The following PRUNE2 variants were observed in gnomAD, a reference collection of about 807,000 sequenced individuals.
PRUNE2 encodes the protein protein prune homolog 2.
Under a neutral mutation model 252.0 loss-of-function variants are expected in PRUNE2, and 164 were observed. That is an observed-to-expected ratio of 0.65 (90% CI 0.57 to 0.74). PRUNE2 has a LOEUF of 0.74. PRUNE2 is among the 30% of genes least tolerant of loss of function. PRUNE2 has a pLI of 0.00. For missense variants in PRUNE2, 3,495 were observed against 3,711.0 expected (o/e 0.94, Z 1.51); for synonymous variants, 1,292 against 1,350.2 (o/e 0.96, Z 0.94).
intron 6 of PRUNE2, among the ~76,000 whole-genome samples, chr9:76,809,749 A>C (rs2057228883): frequency 6.6e-6 from 1 of 152,212 alleles, no homozygotes; most frequent in African/African-American, 2.4e-5. Context: ...CTATGAATGT[A>C]ACAAAATTGC....
At chr9:76,678,347 AT>A (rs2042981027) in intron 9 of PRUNE2, among the ~76,000 whole-genome samples, 1 of 52,074 alleles carries the variant, frequency 1.9e-5, no homozygotes, top group Admixed American at 2.4e-4. Context: ...GCGAGACTCC[AT>A]CAAAAAAAAA....
At chr9:76,877,506 A>G (rs1275536668) in intron 1 of PRUNE2, among the ~76,000 whole-genome samples, 1 of 152,062 alleles carries the variant, frequency 6.6e-6, no homozygotes. Flanking sequence ...TAAAACACAC[A>G]CACACACACA....
At position 76,710,495 on chromosome 9, in the gene PRUNE2, A is replaced by G; in HGVS notation, c.1779T>C (p.Asp593=). 1.2e-6 allele frequency: 2 copies of G among 1,614,008 alleles called. No individual in the cohort carries two copies. Among genetic ancestry groups the G allele is most frequent in the Non-Finnish European group, 1.7e-6 (2 of 1,179,902 alleles). The change falls in exon 8 of 19, where the codon GAT becomes GAC. Residue 593 remains aspartate (D), a synonymous_variant. Coordinates refer to ENST00000376718, the MANE Select transcript of PRUNE2 (RefSeq NM_015225.3). ...TTAGCCTTTCTGGGGAAGGGGATTC[A>G]TCTCCCACAAAATCTGTCAGGCTCA... The part of the protein sequence containing the change: ...RNLSLTDFVG[D]ESPSPERLKN...
At chr9:76,895,057 G>A (rs2062737129) in intron 1 of PRUNE2, among the ~76,000 whole-genome samples, 2 of 151,326 alleles carry the variant, frequency 1.3e-5, no homozygotes, top group South Asian at 4.2e-4. Context: ...TAATGAATGG[G>A]CTTCCTTAAG....
intron 6 of PRUNE2, among the ~76,000 whole-genome samples, chr9:76,723,402 C>T (rs144413558): frequency 2.0e-5 from 3 of 152,236 alleles, no homozygotes; most frequent in African/African-American, 4.8e-5. Flanking sequence ...TAAAGATGCT[C>T]CCAATATAAG....
intron 11 of PRUNE2, among the ~76,000 whole-genome samples, chr9:76,650,283 T>C (rs936651189): frequency 1.3e-5 from 2 of 150,066 alleles, no homozygotes; most frequent in Admixed American, 6.7e-5. Context: ...AGTACAAATA[T>C]ATAATATATA....
At position 76,713,716 on chromosome 9, in the gene PRUNE2, A is replaced by G. The variant is rs775851421; in HGVS notation, c.762T>C (p.Cys254=). The G allele has an allele frequency of 6.3e-7, 1 of 1,590,590 alleles. No individual in the cohort carries two copies. The highest frequency in any genetic ancestry group is 8.6e-7 in the Non-Finnish European group (1 of 1,167,920). ...ISTVSMNLEN[C]LFHSNITSDL... ...CACTGGTAATATTGCTGTGAAATAG[A>G]CAATTCTGAAACGACAACAGGAAAT... is the stretch of plus-strand genomic sequence containing the variant. Residue 254 remains cysteine, a synonymous_variant, in exon 7 of 19, where the codon TGT becomes TGC. Coordinates refer to ENST00000376718, the MANE Select transcript of PRUNE2 (RefSeq NM_015225.3).
At chr9:76,722,224 A>ATTT (rs57390775) in intron 6 of PRUNE2, among the ~76,000 whole-genome samples, 8 of 130,556 alleles carry the variant, frequency 6.1e-5, no homozygotes, top group African/African-American at 1.4e-4. Context: ...ACACCCTGCT[A>ATTT]TTTTTTTTTT....
At chr9:76,803,012 T>C (rs759281560) in intron 6 of PRUNE2, among the ~76,000 whole-genome samples, 2 of 152,070 alleles carry the variant, frequency 1.3e-5, no homozygotes, top group Non-Finnish European at 2.9e-5. Context: ...CTGTAGGTGA[T>C]AGGAACATAA....
chr9:76,710,409 G>A lies in PRUNE2; in HGVS notation c.1865C>T (p.Ser622Phe). 6.2e-7 allele frequency: 1 copy of A among 1,613,982 alleles called. No homozygotes were observed. The highest frequency in any genetic ancestry group is 8.5e-7 in the Non-Finnish European group (1 of 1,179,884). ...PMNSLVESSP[S>F]TEEPASLYTE... ...ATAGAGTGAGGCTGGTTCTTCAGTGGATGGCGAGCTTTCTACTAAACTATT... is the reference window on the plus strand; with the variant it reads ...ATAGAGTGAGGCTGGTTCTTCAGTGAATGGCGAGCTTTCTACTAAACTATT... Residue 622 changes from serine to phenylalanine, a missense_variant, in exon 8 of 19, where the codon TCC becomes TTC. Coordinates refer to ENST00000376718, the MANE Select transcript of PRUNE2 (RefSeq NM_015225.3).
Position 76,724,274 on chromosome 9 carries a change from C to G in PRUNE2, c.757-10553G>C, listed in dbSNP as rs555871500. Among the ~76,000 whole-genome samples the G allele has an allele frequency of 1.8e-4, 22 of 124,500 alleles. No individual in the cohort carries two copies. In the Admixed American group the frequency reaches 2.0e-3, roughly 12 times the overall value. The allele number at this position is 124,500 out of a possible 152,430, so 81.7% of individuals were successfully genotyped here. On this transcript the variant is annotated intron_variant, in intron 6 of 18. Transcript: ENST00000376718. Reference sequence around the variant, plus strand: ...AGAAGGTCGAGACCAGCTTGGGCAACATGGTGAGACCTGTCTCTGATAGAA... The same window carrying G: ...AGAAGGTCGAGACCAGCTTGGGCAAGATGGTGAGACCTGTCTCTGATAGAA...
chr9:76,770,502 T>C (rs1031164416), intron 6 of PRUNE2, among the ~76,000 whole-genome samples: 3 of 152,328 alleles, frequency 2.0e-5, no homozygotes, highest in Admixed American at 6.5e-5. Flanking sequence ...TGAAATGTTA[T>C]CCTTTCATGA....
intron 18 of PRUNE2, among the ~76,000 whole-genome samples, chr9:76,615,625 G>A (rs746133298): frequency 6.6e-6 from 1 of 152,114 alleles, no homozygotes; most frequent in South Asian, 2.1e-4. Flanking sequence ...CTGTAAAATG[G>A]AACGGTCATA....
At chr9:76,766,039 C>T (rs1051598471) in intron 6 of PRUNE2, among the ~76,000 whole-genome samples, 5 of 151,732 alleles carry the variant, frequency 3.3e-5, no homozygotes, top group African/African-American at 7.3e-5. Context: ...AAAAAATAGC[C>T]GCGCGTGGTG....
At chr9:76,835,298 T>C (rs922869417) in intron 4 of PRUNE2, among the ~76,000 whole-genome samples, 2 of 151,802 alleles carry the variant, frequency 1.3e-5, no homozygotes, top group African/African-American at 4.8e-5. Context: ...GTCTTAAATC[T>C]TTTTTTCTTT....
chr9:76,879,354 T>A (rs2061631144), intron 1 of PRUNE2, among the ~76,000 whole-genome samples: 1 of 152,250 alleles, frequency 6.6e-6, no homozygotes, highest in Non-Finnish European at 1.5e-5. Flanking sequence ...ACAATGAATG[T>A]CTACAGCAAA....
At chr9:76,669,133 A>T (rs943209726) in intron 9 of PRUNE2, among the ~76,000 whole-genome samples, 2 of 151,958 alleles carry the variant, frequency 1.3e-5, no homozygotes, top group Non-Finnish European at 2.9e-5. Flanking sequence ...TTGGAGAGAC[A>T]CAATTCAGTG....
chr9:76,851,505 G>A (rs528840432), intron 2 of PRUNE2, among the ~76,000 whole-genome samples: 3 of 151,648 alleles, frequency 2.0e-5, no homozygotes, highest in African/African-American at 7.2e-5. Context: ...CCAAGATCGT[G>A]CCACTGCACT....
chr9:76,743,123 G>A (rs962114884), intron 6 of PRUNE2, among the ~76,000 whole-genome samples: 4 of 152,184 alleles, frequency 2.6e-5, no homozygotes, highest in African/African-American at 9.7e-5. Context: ...GAAGAAGGAC[G>A]TGTTTGCCTT....
Sources: gnomAD v4.1 joint callset for allele counts (sites outside exome capture counted in the v4.1 genomes callset) on GRCh38, gnomAD v4.1.1 for gene constraint, MANE v1.5 for transcripts, NCBI Gene and HGNC (gene_info 2026-07-23, HGNC 2026-07-21) for gene names.